MDGA2: variants seen among roughly 807,000 people sequenced by gnomAD.
MDGA2 encodes the protein MAM domain-containing glycosylphosphatidylinositol anchor protein 2.
In MDGA2, 40 loss-of-function variants were observed where a neutral mutation model predicts 117.8. The ratio of observed to expected loss-of-function variants is 0.34; its 90% CI spans 0.26 to 0.44. MDGA2 has a LOEUF of 0.44. Ranked by LOEUF, MDGA2 falls within the 20% of genes least tolerant of loss-of-function variation. The pLI, the probability that MDGA2 is intolerant of heterozygous loss-of-function variation, is 1.00. For synonymous variants in MDGA2, 452 were observed against 439.0 expected (o/e 1.03, Z -0.37); for missense variants, 1,123 against 1,250.6 (o/e 0.90, Z 1.54).
At chr14:47,325,914 G>A (rs139438630) in intron 1 of MDGA2, among the ~76,000 whole-genome samples, 25 of 152,230 alleles carry the variant, frequency 1.6e-4, no homozygotes, top group Non-Finnish European at 3.1e-4. Flanking sequence ...GGATCATTAC[G>A]GAGGACTCTA....
At chr14:47,323,787 C>T (rs1340066819) in intron 1 of MDGA2, among the ~76,000 whole-genome samples, 1 of 151,874 alleles carries the variant, frequency 6.6e-6, no homozygotes, top group Non-Finnish European at 1.5e-5. Flanking sequence ...GGCAAAAGCA[C>T]AAGAGGGAAA....
At chr14:47,465,481 AG>A (rs1484928510) in intron 1 of MDGA2, among the ~76,000 whole-genome samples, 4 of 152,166 alleles carry the variant, frequency 2.6e-5, no homozygotes, top group African/African-American at 9.7e-5. Flanking sequence ...TAAATTTACA[AG>A]AAAAAAAACA....
At chr14:47,445,091 G>A (rs1187183156) in intron 1 of MDGA2, among the ~76,000 whole-genome samples, 1 of 152,054 alleles carries the variant, frequency 6.6e-6, no homozygotes, top group Non-Finnish European at 1.5e-5. Context: ...TAGTGTAAAG[G>A]TAAGTGCTAA....
intron 1 of MDGA2, among the ~76,000 whole-genome samples, chr14:47,618,933 C>T (rs1423573579): frequency 2.0e-5 from 3 of 152,048 alleles, no homozygotes; most frequent in East Asian, 3.9e-4. Flanking sequence ...ATAAAAAAGC[C>T]TTTCATGGTG....
At chr14:47,268,660 G>A (rs959287409) in intron 2 of MDGA2, among the ~76,000 whole-genome samples, 1 of 152,072 alleles carries the variant, frequency 6.6e-6, no homozygotes, top group Non-Finnish European at 1.5e-5. Context: ...GATCTCTTTG[G>A]TGCCAAAACC....
At chr14:47,213,129 A>C (rs1326922879) in intron 3 of MDGA2, among the ~76,000 whole-genome samples, 1 of 152,260 alleles carries the variant, frequency 6.6e-6, no homozygotes, top group East Asian at 1.9e-4. Flanking sequence ...AGGGTGCATT[A>C]GCCAAAAAAA....
intron 1 of MDGA2, among the ~76,000 whole-genome samples, chr14:47,456,587 G>A (rs1415390435): frequency 6.6e-6 from 1 of 151,898 alleles, no homozygotes; most frequent in Non-Finnish European, 1.5e-5. Context: ...ACAGGCATAA[G>A]CCACCATGCC....
intron 1 of MDGA2, among the ~76,000 whole-genome samples, chr14:47,521,407 A>C (rs1478535295): frequency 6.6e-6 from 1 of 152,212 alleles, no homozygotes; most frequent in African/African-American, 2.4e-5. Context: ...ATATCTTATT[A>C]AATCCTGACC....
intron 1 of MDGA2, among the ~76,000 whole-genome samples, chr14:47,438,494 T>C (rs983094020): frequency 6.6e-6 from 1 of 152,156 alleles, no homozygotes. Flanking sequence ...ATTTTTCAAA[T>C]AATTTCAAAT....
rs186285397 is a variant in MDGA2 at position 47,422,343 on chromosome 14, G to A, written c.281-120793C>T. On this transcript the variant is annotated intron_variant, in intron 1 of 16. Coordinates refer to ENST00000399232, the MANE Select transcript of MDGA2 (RefSeq NM_001113498.3). ...AGCAAGGCAAATGTGAATAAGAGTG[G>A]CAGACCTCTCTTGTCTCCAAAGAGG... Among the ~76,000 whole-genome samples, 208 of 152,100 alleles carry A rather than the reference G, an allele frequency of 1.4e-3. 2 individuals carry two copies. The highest frequency in any genetic ancestry group is 3.4e-3 in the Middle Eastern group (1 of 294).
chr14:47,252,787 T>C (rs1361555199), intron 2 of MDGA2, among the ~76,000 whole-genome samples: 2 of 152,040 alleles, frequency 1.3e-5, no homozygotes, highest in East Asian at 3.9e-4. Context: ...AGGAAGAAAA[T>C]AACATGTACA....
chr14:46,950,538 T>G (rs958947509), intron 9 of MDGA2, among the ~76,000 whole-genome samples: 1 of 151,992 alleles, frequency 6.6e-6, no homozygotes, highest in African/African-American at 2.4e-5. Context: ...CTGGCTAAAA[T>G]ACTGGGATCC....
At chr14:47,576,039 T>C (rs1475873463) in intron 1 of MDGA2, among the ~76,000 whole-genome samples, 1 of 152,162 alleles carries the variant, frequency 6.6e-6, no homozygotes, top group Non-Finnish European at 1.5e-5. Flanking sequence ...GCTTCCTCCT[T>C]AACCCCAACT....
chr14:47,164,142 T>G (rs550222034), intron 3 of MDGA2, among the ~76,000 whole-genome samples: 3 of 152,260 alleles, frequency 2.0e-5, no homozygotes, highest in Non-Finnish European at 4.4e-5. Flanking sequence ...GCTGCTTGTA[T>G]GGAACAGTTT....
chr14:47,190,576 C>G (rs146461093), intron 3 of MDGA2, among the ~76,000 whole-genome samples: 103 of 152,208 alleles, frequency 6.8e-4, no homozygotes, highest in African/African-American at 2.4e-3. Flanking sequence ...AAAATAACAA[C>G]AACAACAAAA....
intron 1 of MDGA2, among the ~76,000 whole-genome samples, chr14:47,668,510 T>C (rs1418504585): frequency 1.3e-5 from 2 of 152,230 alleles, no homozygotes; most frequent in Non-Finnish European, 2.9e-5. Context: ...TCTCCCACTT[T>C]ATGATTTTAC....
At chr14:47,255,971 C>T (rs1338700221) in intron 2 of MDGA2, among the ~76,000 whole-genome samples, 1 of 152,046 alleles carries the variant, frequency 6.6e-6, no homozygotes, top group Non-Finnish European at 1.5e-5. Context: ...CCATTTCCTG[C>T]ATCTTCCCTT....
At chr14:47,588,028 T>C (rs1896358501) in intron 1 of MDGA2, among the ~76,000 whole-genome samples, 1 of 151,742 alleles carries the variant, frequency 6.6e-6, no homozygotes, top group Admixed American at 6.6e-5. Flanking sequence ...TCAAGGTTCA[T>C]CCATATTGTG....
intron 1 of MDGA2, among the ~76,000 whole-genome samples, chr14:47,384,254 G>C (rs1891707886): frequency 6.6e-6 from 1 of 150,696 alleles, no homozygotes; most frequent in Non-Finnish European, 1.5e-5. Flanking sequence ...CAAAGGGACT[G>C]AGTCAGAGAA....
Sources: allele counts gnomAD v4.1 joint callset (sites outside exome capture counted in the v4.1 genomes callset), GRCh38; gene constraint gnomAD v4.1.1; transcripts MANE v1.5; gene names NCBI Gene and HGNC (gene_info 2026-07-23, HGNC 2026-07-21).